Variants in TMTC1 observed in about 807,000 individuals in gnomAD.
The protein encoded by TMTC1 is transmembrane O-mannosyltransferase targeting cadherins 1, also known as protein O-mannosyl-transferase TMTC1.
A neutral mutation model predicts 104.8 loss-of-function variants in TMTC1; 73 were observed. The observed-to-expected ratio is 0.70, with a 90% CI of 0.58 to 0.85. TMTC1 has a LOEUF of 0.85. Among genes scored for constraint, TMTC1 ranks in the 40% least tolerant of loss-of-function variants. TMTC1 has a pLI of 0.00. For synonymous variants in TMTC1, 434 were observed against 428.7 expected, an observed-to-expected ratio of 1.01 and a Z score of -0.15; for missense variants, 1,035 against 1,096.1, an observed-to-expected ratio of 0.94 and a Z score of 0.79.
At chr12:29,570,022 T>A (rs987897505) in intron 9 of TMTC1, among the ~76,000 whole-genome samples, 1 of 152,192 alleles carries the variant, frequency 6.6e-6, no homozygotes, top group Non-Finnish European at 1.5e-5. Context: ...TGCCTGAGGG[T>A]CTGCCTTACT....
chr12:29,562,071 A>G (rs534957888), intron 9 of TMTC1, among the ~76,000 whole-genome samples: 2 of 152,370 alleles, frequency 1.3e-5, no homozygotes, highest in African/African-American at 2.4e-5. Flanking sequence ...TTTTAAGTGC[A>G]TGATTCCTTC....
At chr12:29,587,483 C>T (rs1038072399) in intron 7 of TMTC1, among the ~76,000 whole-genome samples, 1 of 151,900 alleles carries the variant, frequency 6.6e-6, no homozygotes, top group Non-Finnish European at 1.5e-5. Context: ...TAGGTGTTCA[C>T]CACTACACCC....
chr12:29,581,991 A>G (rs1945994421), intron 8 of TMTC1, among the ~76,000 whole-genome samples: 1 of 152,186 alleles, frequency 6.6e-6, no homozygotes. Context: ...GATGCATTAA[A>G]AACAATCCAC....
intron 6 of TMTC1, among the ~76,000 whole-genome samples, chr12:29,616,582 C>T (rs778038999): frequency 7.4e-5 from 11 of 149,264 alleles, no homozygotes; most frequent in East Asian, 6.0e-4. Context: ...GCAGGAGAAT[C>T]GCTTGAATCC....
At chr12:29,678,086 T>A (rs1940792939) in intron 5 of TMTC1, among the ~76,000 whole-genome samples, 1 of 152,218 alleles carries the variant, frequency 6.6e-6, no homozygotes. Flanking sequence ...TAAACTAATA[T>A]TTCTGCAACA....
At chr12:29,604,461 C>T (rs773304127) in intron 6 of TMTC1, among the ~76,000 whole-genome samples, 162 bp from the exon 7 acceptor site, 44 of 152,148 alleles carry the variant, frequency 2.9e-4, no homozygotes, top group Non-Finnish European at 2.9e-4. Flanking sequence ...AGAAAGCTGA[C>T]GGGCTAAAAT....
chr12:29,573,229 A>C lies in TMTC1; in HGVS notation c.1419-1011T>G, dbSNP rs1384258569. Among the ~76,000 whole-genome samples, 3 of 152,152 alleles carry C rather than the reference A, an allele frequency of 2.0e-5. No individual in the cohort carries two copies. The East Asian group carries it at 5.8e-4, about 29-fold the overall frequency. On this transcript the variant is annotated intron_variant, in intron 8 of 17. Transcript: ENST00000539277. ...AGGGTGATAAAGTCAGGCTTATTTG[A>C]GTTGATTATGACATGCCAGGCCCTC...
intron 5 of TMTC1, among the ~76,000 whole-genome samples, chr12:29,667,639 T>G (rs1940335382): frequency 6.6e-6 from 1 of 152,220 alleles, no homozygotes; most frequent in Non-Finnish European, 1.5e-5. Flanking sequence ...TCATGATGTT[T>G]CAGTGTCAAA....
Position 29,783,299 on chromosome 12 carries a change from T to G in TMTC1, c.302+151A>C. ...CCGGGCAGTGGATCCCGGAGCAAAG[T>G]GCCATGCACATCCTGGAGAGGAGGG... On this transcript the variant is annotated intron_variant, in intron 1 of 17. Coordinates refer to ENST00000539277, the MANE Select transcript of TMTC1 (RefSeq NM_001193451.2). The surrounding 1 kb of genome is among the most constrained non-coding windows in gnomAD (Gnocchi z 4.7). 1 of 685,652 alleles carries G rather than the reference T, an allele frequency of 1.5e-6. No homozygotes were observed. Among genetic ancestry groups the G allele is most frequent in the Non-Finnish European group, 2.0e-6 (1 of 488,696 alleles). The allele number at this position is 685,652 out of a possible 1,614,324, so 42.5% of individuals were successfully genotyped here. A position where few individuals can be genotyped will look rare whatever the true frequency, so the allele number is the denominator to read the frequency against.
At position 29,532,764 on chromosome 12, in the gene TMTC1, T is replaced by C. The variant is rs796448678; in HGVS notation, c.1785+3445A>G. ...TTTCACAGTTTCCTTTATATATTTA[T>C]ATTACTTGTTTAACTGGAAACAATG... is the stretch of plus-strand genomic sequence containing the variant. On this transcript the variant is annotated intron_variant, in intron 11 of 17. Transcript: ENST00000539277. 2.0e-5 allele frequency: 3 copies of C among 152,302 alleles called. No individual in the cohort carries two copies. The South Asian group carries it at 6.2e-4, about 32-fold the overall frequency. The allele number at this position is 152,302 out of a possible 1,614,324, so 9.4% of individuals were successfully genotyped here. A position where few individuals can be genotyped will look rare whatever the true frequency, so the allele number is the denominator to read the frequency against.
intron 5 of TMTC1, among the ~76,000 whole-genome samples, chr12:29,643,029 C>G (rs1938933146): frequency 7.2e-6 from 1 of 139,404 alleles, no homozygotes; most frequent in South Asian, 2.3e-4. Context: ...AAATGGCCAA[C>G]AAACGTGAAA....
chr12:29,650,668 T>G (rs1939476536), intron 5 of TMTC1, among the ~76,000 whole-genome samples: 1 of 152,192 alleles, frequency 6.6e-6, no homozygotes, highest in Admixed American at 6.5e-5. Flanking sequence ...AAGCAGTCAG[T>G]GTAAGTTTTC....
At chr12:29,700,997 CA>C (rs1181960363) in intron 5 of TMTC1, among the ~76,000 whole-genome samples, 1 of 150,948 alleles carries the variant, frequency 6.6e-6, no homozygotes, top group African/African-American at 2.4e-5. Context: ...GTATTTTAAG[CA>C]AACTTCCCAA....
intron 9 of TMTC1, among the ~76,000 whole-genome samples, chr12:29,565,353 T>A (rs909674349): frequency 1.3e-5 from 2 of 152,166 alleles, no homozygotes; most frequent in Non-Finnish European, 2.9e-5. Context: ...TAGAATAATG[T>A]TTTACCAAAT....
intron 5 of TMTC1, among the ~76,000 whole-genome samples, chr12:29,711,720 C>A (rs117952984): frequency 0.022 from 3,314 of 152,120 alleles, 55 homozygotes; most frequent in South Asian, 0.047. Flanking sequence ...TAAAGAGCAA[C>A]CCTGGCTGGG....
At chr12:29,685,094 ATCGCATTTACCGACATTGTAAATGAT>A (rs1941050170) in intron 5 of TMTC1, among the ~76,000 whole-genome samples, 4 of 152,280 alleles carry the variant, frequency 2.6e-5, no homozygotes, top group Admixed American at 2.6e-4. Context: ...TTACAGCTAA[ATCGCATTTACCGACATTGTAAATGAT>A]TTATTTCAAC....
At chr12:29,645,247 T>C (rs979907997) in intron 5 of TMTC1, among the ~76,000 whole-genome samples, 2 of 152,216 alleles carry the variant, frequency 1.3e-5, no homozygotes, top group African/African-American at 4.8e-5. Context: ...TCTGCTAGAC[T>C]TGCAGTTGTC....
At chr12:29,575,163 G>A (rs1333491336) in intron 8 of TMTC1, among the ~76,000 whole-genome samples, 2 of 152,138 alleles carry the variant, frequency 1.3e-5, no homozygotes, top group Non-Finnish European at 2.9e-5. Context: ...TAGAGTTTCT[G>A]TTCCCTCACC....
At chr12:29,677,864 T>C (rs1256789766) in intron 5 of TMTC1, among the ~76,000 whole-genome samples, 17 of 152,286 alleles carry the variant, frequency 1.1e-4, no homozygotes, top group Admixed American at 9.8e-4. Flanking sequence ...GCCATATGGC[T>C]ATAATTGCTC....
Sources: gnomAD v4.1 joint callset for allele counts (sites outside exome capture counted in the v4.1 genomes callset) on GRCh38, gnomAD v4.1.1 for gene constraint, Gnocchi (gnomAD v3.1) non-coding constraint, MANE v1.5 for transcripts, NCBI Gene and HGNC (gene_info 2026-07-23, HGNC 2026-07-21) for gene names.